The following JMJD1C variants were observed in gnomAD, a reference collection of about 807,000 sequenced individuals.
The protein encoded by JMJD1C is jumonji domain-containing protein 1C.
JMJD1C carries 31 observed loss-of-function variants against 245.3 expected under a neutral mutation model. The observed-to-expected ratio is 0.13, with a 90% CI of 0.09 to 0.17. The LOEUF (loss-of-function observed/expected upper bound fraction) is 0.17, where lower values mean the gene tolerates loss of function less well. Ranked by LOEUF, JMJD1C falls within the 10% of genes least tolerant of loss-of-function variation. The pLI is 1.00. For missense variants in JMJD1C, 2,691 were observed against 3,000.2 expected, an observed-to-expected ratio of 0.90 and a Z score of 2.41; for synonymous variants, 1,057 against 1,017.4, an observed-to-expected ratio of 1.04 and a Z score of -0.74.
intron 1 of JMJD1C, among the ~76,000 whole-genome samples, chr10:63,519,279 C>G (rs574179550): frequency 7.9e-5 from 12 of 152,226 alleles, no homozygotes; most frequent in Admixed American, 7.8e-4. Context: ...CTTCAGCAAC[C>G]CCTGAAGGCA....
chr10:63,269,236 G>A (rs943688635), intron 2 of JMJD1C: 1 of 984,440 alleles, frequency 1.0e-6, no homozygotes, highest in African/African-American at 1.7e-5. Flanking sequence ...CTTGGCTTAG[G>A]GCACACTGAG....
intron 2 of JMJD1C, among the ~76,000 whole-genome samples, chr10:63,378,369 A>G (rs975045097): frequency 6.6e-6 from 1 of 152,122 alleles, no homozygotes; most frequent in Non-Finnish European, 1.5e-5. Context: ...AGGCGGGTGG[A>G]TCACGAGGTC....
intron 3 of JMJD1C, among the ~76,000 whole-genome samples, chr10:63,230,137 C>T: frequency 6.6e-6 from 1 of 152,280 alleles, no homozygotes; most frequent in African/African-American, 2.4e-5. Flanking sequence ...CTTTGGGAGG[C>T]TGAGGTGGGC....
chr10:63,299,293 C>G (rs1271034376), intron 2 of JMJD1C, among the ~76,000 whole-genome samples: 2 of 152,064 alleles, frequency 1.3e-5, no homozygotes, highest in African/African-American at 4.8e-5. Flanking sequence ...GCGATTCTCG[C>G]CCCTCAAGAC....
intron 1 of JMJD1C, among the ~76,000 whole-genome samples, chr10:63,437,479 G>A (rs1951122911): frequency 6.6e-6 from 1 of 151,962 alleles, no homozygotes; most frequent in Admixed American, 6.6e-5. Flanking sequence ...ACTATCTAAG[G>A]CCAATTCTAC....
At chr10:63,402,968 T>C (rs1392223541) in intron 1 of JMJD1C, among the ~76,000 whole-genome samples, 2 of 152,222 alleles carry the variant, frequency 1.3e-5, no homozygotes, top group Non-Finnish European at 2.9e-5. Flanking sequence ...ATCAGTATGG[T>C]AATCTTCTTC....
chr10:63,220,379 G>A (rs1453764629), intron 3 of JMJD1C, among the ~76,000 whole-genome samples: 1 of 152,174 alleles, frequency 6.6e-6, no homozygotes, highest in Non-Finnish European at 1.5e-5. Flanking sequence ...TACATACACA[G>A]ATGACTTACT....
chr10:63,465,392 G>T, intron 1 of JMJD1C, 103 bp downstream of exon 1: 1 of 1,231,256 alleles, frequency 8.1e-7, no homozygotes, highest in Non-Finnish European at 1.1e-6. Flanking sequence ...GTGACCGCCA[G>T]TTGGCCGGGC....
At chr10:63,411,169 A>C (rs1211542016) in intron 1 of JMJD1C, among the ~76,000 whole-genome samples, 2 of 152,002 alleles carry the variant, frequency 1.3e-5, no homozygotes, top group Non-Finnish European at 2.9e-5. Flanking sequence ...GGAAAATCTC[A>C]TCTTTGGTGA....
intron 2 of JMJD1C, among the ~76,000 whole-genome samples, chr10:63,360,728 T>C (rs1461455502): frequency 6.6e-6 from 1 of 152,156 alleles, no homozygotes; most frequent in African/African-American, 2.4e-5. Context: ...AGATAAATAT[T>C]ACATACCACA....
At position 63,208,550 on chromosome 10, in the gene JMJD1C, T is replaced by C. The variant is rs1316477641; in HGVS notation, c.3119A>G (p.Lys1040Arg). The change falls in exon 10 of 26, where the codon AAG (lysine) becomes AGG (arginine). Residue 1040 changes from lysine (K) to arginine (R), a missense_variant. By Grantham distance (26) the Lys-to-Arg change is conservative. Transcript: ENST00000399262. ...IDVAPFTTKI[K>R]GLEGERENYS... ...ATTCTCTCTCTCACCCTCAAGTCCC[T>C]TGATTTTAGTTGTAAAGGGAGCAAC... The C allele has an allele frequency of 6.2e-7, 1 of 1,614,046 alleles. No individual in the cohort carries two copies. The highest frequency in any genetic ancestry group is 1.3e-5 in the African/African-American group (1 of 74,932).
intron 3 of JMJD1C, chr10:63,222,269 G>T: frequency 1.2e-6 from 1 of 854,864 alleles, no homozygotes; most frequent in Non-Finnish European, 2.0e-6. Flanking sequence ...AACAGGGAGA[G>T]CTGTCGAGAT....
intron 1 of JMJD1C, among the ~76,000 whole-genome samples, chr10:63,433,740 C>T (rs1950911397): frequency 6.6e-6 from 1 of 151,210 alleles, no homozygotes; most frequent in Admixed American, 6.6e-5. Flanking sequence ...CGTGTACCAC[C>T]ACATGCAGTT....
chr10:63,354,052 G>C (rs1467997516), intron 2 of JMJD1C, among the ~76,000 whole-genome samples: 1 of 152,014 alleles, frequency 6.6e-6, no homozygotes, highest in Admixed American at 6.6e-5. Context: ...TGTTGGCCAG[G>C]ATGGTCTTGA....
At chr10:63,382,701 AC>A in intron 1 of JMJD1C, 1 of 446,602 alleles carries the variant, frequency 2.2e-6, no homozygotes, top group Middle Eastern at 3.3e-4. Flanking sequence ...CAATCATTCA[AC>A]CCTTCGCTCC....
intron 10 of JMJD1C, among the ~76,000 whole-genome samples, chr10:63,205,557 A>G (rs1846502537): frequency 6.6e-6 from 1 of 152,204 alleles, no homozygotes; most frequent in South Asian, 2.1e-4. Flanking sequence ...ATTATAAGGA[A>G]TCTAGAAATG....
At chr10:63,291,310 GAAAAAAAAA>G (rs59082600) in intron 2 of JMJD1C, among the ~76,000 whole-genome samples, 1 of 69,136 alleles carries the variant, frequency 1.4e-5, no homozygotes, top group Admixed American at 2.1e-4. Flanking sequence ...GTCTGTCTCA[GAAAAAAAAA>G]AAAAAAAAAA....
intron 8 of JMJD1C, among the ~76,000 whole-genome samples, chr10:63,209,912 T>C (rs1847121974): frequency 6.6e-6 from 1 of 152,178 alleles, no homozygotes; most frequent in African/African-American, 2.4e-5. Flanking sequence ...TGCTTAAGGA[T>C]TTTTCTATAT....
In JMJD1C at chr10:63,208,106, T is replaced by C. The variant is rs746434432; in HGVS notation, c.3563A>G (p.His1188Arg). The C allele has an allele frequency of 7.4e-6, 12 of 1,614,016 alleles. No homozygotes were observed. In the African/African-American group the frequency reaches 1.1e-4, roughly 14 times the overall value. The change falls in exon 10 of 26, where the codon CAT (histidine) becomes CGT (arginine). Residue 1188 changes from histidine to arginine, a missense_variant. His to Arg is a conservative substitution (Grantham distance 29, BLOSUM62 0). Transcript: ENST00000399262. ...TFRNDCRSPT[H>R]LTVSSTNTLR... is the part of the protein sequence containing the mutation. ...TGTATTTGTAGAAGAAACTGTCAAATGGGTAGGACTCCTACAATCATTTCT... is the reference window on the plus strand; with the variant it reads ...TGTATTTGTAGAAGAAACTGTCAAACGGGTAGGACTCCTACAATCATTTCT...
Sources: allele counts gnomAD v4.1 joint callset (sites outside exome capture counted in the v4.1 genomes callset), GRCh38; gene constraint gnomAD v4.1.1; transcripts MANE v1.5; gene names NCBI Gene and HGNC (gene_info 2026-07-23, HGNC 2026-07-21).